Variants in SERPINI1 observed in about 807,000 individuals in gnomAD.
SERPINI1 encodes neuroserpin.
Under a neutral mutation model 41.1 loss-of-function variants are expected in SERPINI1, and 19 were observed. The observed-to-expected ratio is 0.46, with a 90% CI of 0.32 to 0.68. The LOEUF (loss-of-function observed/expected upper bound fraction) is 0.68. Among genes scored for constraint, SERPINI1 ranks in the 30% least tolerant of loss-of-function variants. The pLI, the probability that SERPINI1 is intolerant of heterozygous loss-of-function variation, is 0.03. For missense variants in SERPINI1, 460 were observed against 479.2 expected, an observed-to-expected ratio of 0.96 and a Z score of 0.37; for synonymous variants, 138 against 156.6, an observed-to-expected ratio of 0.88 and a Z score of 0.89.
chr3:167,737,417 T>C (rs1412493213), intron 1 of SERPINI1, among the ~76,000 whole-genome samples: 2 of 152,156 alleles, frequency 1.3e-5, no homozygotes, highest in African/African-American at 4.8e-5. Flanking sequence ...TTATCTTTGC[T>C]ACAGCACTGG....
At chr3:167,787,659 G>A (rs562015688) in intron 1 of SERPINI1, among the ~76,000 whole-genome samples, 2 of 152,338 alleles carry the variant, frequency 1.3e-5, no homozygotes, top group Admixed American at 6.5e-5. Flanking sequence ...AGCAACGGAG[G>A]TGGTGAGAGT....
intron 1 of SERPINI1, among the ~76,000 whole-genome samples, chr3:167,766,267 A>T (rs529532837): frequency 3.3e-5 from 5 of 151,772 alleles, no homozygotes; most frequent in Admixed American, 2.6e-4. Context: ...CCAGTCCCAC[A>T]TGACTGGAGA....
chr3:167,738,111 T>A (rs970132647), intron 1 of SERPINI1, among the ~76,000 whole-genome samples: 2 of 152,168 alleles, frequency 1.3e-5, no homozygotes, highest in Non-Finnish European at 2.9e-5. Context: ...AAACGTTCGT[T>A]ATATGGCAGT....
chr3:167,753,824 G>T (rs938844420), intron 1 of SERPINI1, among the ~76,000 whole-genome samples: 5 of 152,168 alleles, frequency 3.3e-5, no homozygotes, highest in Non-Finnish European at 7.4e-5. Context: ...TTAGGCTAAA[G>T]AATGTATATT....
intron 1 of SERPINI1, among the ~76,000 whole-genome samples, chr3:167,766,651 T>C (rs934280430): frequency 1.3e-5 from 2 of 152,150 alleles, no homozygotes; most frequent in Non-Finnish European, 2.9e-5. Flanking sequence ...GTCAGTTAAT[T>C]AAAAATGCCA....
At position 167,790,553 on chromosome 3, in the gene SERPINI1, T is replaced by C. The variant is rs140116256; in HGVS notation, c.432T>C (p.Asn144=). The C allele has an allele frequency of 1.4e-3, 2,265 of 1,613,888 alleles. 7 individuals carry two copies. Among genetic ancestry groups the C allele is most frequent in the Non-Finnish European group, 1.7e-3 (1,956 of 1,179,926 alleles). The change falls in exon 3 of 9, where the codon AAT becomes AAC. Residue 144 remains asparagine, a synonymous_variant. Transcript: ENST00000446050. ...TAAATCATGTGGACTTCAGTCAAAA[T>C]GTAGCCGTGGCCAACTACATCAATA... ...AAVNHVDFSQ[N]VAVANYINKW...
intron 1 of SERPINI1, among the ~76,000 whole-genome samples, chr3:167,778,934 A>G (rs1017367304): frequency 2.6e-5 from 4 of 152,240 alleles, no homozygotes; most frequent in Admixed American, 2.0e-4. Flanking sequence ...AAGCAAGATG[A>G]CATCAGCTGT....
intron 1 of SERPINI1, among the ~76,000 whole-genome samples, chr3:167,742,006 T>C (rs1188252241): frequency 1.3e-5 from 2 of 152,142 alleles, no homozygotes; most frequent in African/African-American, 2.4e-5. Flanking sequence ...TTTCAGAGTT[T>C]CTGATATGTT....
At chr3:167,814,631 T>G (rs866509193) in intron 6 of SERPINI1, among the ~76,000 whole-genome samples, 1 of 152,238 alleles carries the variant, frequency 6.6e-6, no homozygotes, top group African/African-American at 2.4e-5. Flanking sequence ...CCTGCAAGCA[T>G]GATGTTAATC....
At chr3:167,814,507 C>T (rs143577883) in intron 6 of SERPINI1, among the ~76,000 whole-genome samples, 11 of 152,272 alleles carry the variant, frequency 7.2e-5, no homozygotes, top group Middle Eastern at 3.4e-3. Context: ...ATAATACTCT[C>T]GTCATTTTGT....
Position 167,792,686 on chromosome 3 carries a change from A to C in SERPINI1, c.578A>C (p.Gln193Pro), listed in dbSNP as rs1727570632. The C allele has an allele frequency of 6.2e-7, 1 of 1,613,738 alleles. No individual in the cohort carries two copies. Among genetic ancestry groups the C allele is most frequent in the African/African-American group, 1.3e-5 (1 of 74,904 alleles). The change falls in exon 4 of 9, where the codon CAG becomes CCG. Residue 193 changes from glutamine to proline, a missense_variant. Coordinates refer to ENST00000446050, the MANE Select transcript of SERPINI1 (RefSeq NM_001122752.2). ...TATTTCAAGGGGAACTGGAAGTCGC[A>C]GTTTAGGCCTGAAAATACTAGAACC... is the stretch of plus-strand genomic sequence containing the variant. Reference protein sequence around the residue: ...AVYFKGNWKSQFRPENTRTFS... With the variant: ...AVYFKGNWKSPFRPENTRTFS...
chr3:167,772,299 T>C (rs966490139), intron 1 of SERPINI1, among the ~76,000 whole-genome samples: 1 of 152,188 alleles, frequency 6.6e-6, no homozygotes, highest in Admixed American at 6.5e-5. Context: ...TAGATATTTC[T>C]ATCATATTCC....
At chr3:167,751,556 A>G (rs1191631066) in intron 1 of SERPINI1, among the ~76,000 whole-genome samples, 1 of 152,166 alleles carries the variant, frequency 6.6e-6, no homozygotes, top group African/African-American at 2.4e-5. Flanking sequence ...GATTTTTCTT[A>G]AGCCAGATGA....
chr3:167,754,983 T>C (rs577749712), intron 1 of SERPINI1, among the ~76,000 whole-genome samples: 1 of 152,328 alleles, frequency 6.6e-6, no homozygotes, highest in East Asian at 1.9e-4. Flanking sequence ...ACAGATATCT[T>C]TGATAGCTCC....
In SERPINI1 at chr3:167,794,675, A is replaced by G; in HGVS notation, c.732A>G (p.Ile244Met). Residue 244 changes from isoleucine (I) to methionine (M), a missense_variant, in exon 5 of 9, where the codon ATA becomes ATG. Physicochemically the swap from Ile to Met is conservative, Grantham distance 10. Coordinates refer to ENST00000446050, the MANE Select transcript of SERPINI1 (RefSeq NM_001122752.2). ...GTGGTATCTACCAAGTCCTAGAAAT[A>G]CCATATGAAGGAGATGAAATAAGCA... ...EAGGIYQVLEIPYEGDEISMM... is the reference protein window; with the variant it reads ...EAGGIYQVLEMPYEGDEISMM... 6.2e-7 allele frequency: 1 copy of G among 1,613,658 alleles called. No individual in the cohort carries two copies. Among genetic ancestry groups the G allele is most frequent in the Non-Finnish European group, 8.5e-7 (1 of 1,179,790 alleles).
At chr3:167,756,665 A>C (rs1172807307) in intron 1 of SERPINI1, among the ~76,000 whole-genome samples, 1 of 152,214 alleles carries the variant, frequency 6.6e-6, no homozygotes, top group Non-Finnish European at 1.5e-5. Context: ...CATTAGTTAA[A>C]AGATAAGTCA....
chr3:167,809,045 A>G (rs908605617), intron 6 of SERPINI1, among the ~76,000 whole-genome samples: 1 of 152,190 alleles, frequency 6.6e-6, no homozygotes, highest in African/African-American at 2.4e-5. Flanking sequence ...AATGTCTACT[A>G]TATAAATGTT....
intron 1 of SERPINI1, among the ~76,000 whole-genome samples, chr3:167,760,108 T>C (rs776973446): frequency 6.6e-6 from 1 of 152,134 alleles, no homozygotes; most frequent in Non-Finnish European, 1.5e-5. Context: ...TGAAAATAGA[T>C]ATGACTTGTT....
chr3:167,746,121 C>T (rs1725857859), intron 1 of SERPINI1, among the ~76,000 whole-genome samples: 1 of 152,116 alleles, frequency 6.6e-6, no homozygotes, highest in Non-Finnish European at 1.5e-5. Context: ...AATTCAGAGT[C>T]AGGAAATAAT....
Sources: gnomAD v4.1 joint callset for allele counts (sites outside exome capture counted in the v4.1 genomes callset) on GRCh38, gnomAD v4.1.1 for gene constraint, MANE v1.5 for transcripts, NCBI Gene and HGNC (gene_info 2026-07-23, HGNC 2026-07-21) for gene names.